The following DHRS1 variants were observed in gnomAD, a reference collection of about 807,000 sequenced individuals.
The protein encoded by DHRS1 is dehydrogenase/reductase SDR family member 1.
Under a neutral mutation model 35.2 loss-of-function variants are expected in DHRS1, and 34 were observed. The observed-to-expected ratio is 0.97, with a 90% CI of 0.74 to 1.29. DHRS1 has a LOEUF of 1.29. Ranked by LOEUF, DHRS1 falls within the 50% of genes most tolerant of loss-of-function variation. The pLI, the probability that DHRS1 is intolerant of heterozygous loss-of-function variation, is 0.00. For synonymous variants in DHRS1, 133 were observed against 160.0 expected, an observed-to-expected ratio of 0.83 and a Z score of 1.27; for missense variants, 354 against 403.6, an observed-to-expected ratio of 0.88 and a Z score of 1.05.
At chr14:24,292,353 G>A in intron 5 of DHRS1, 23 bp from the exon 6 acceptor site, 1 of 1,613,040 alleles carries the variant, frequency 6.2e-7, no homozygotes, top group East Asian at 2.2e-5. Flanking sequence ...GGAAGGCAGG[G>A]TAAGAGCCAC....
chr14:24,294,149 G>A (rs2041208208), intron 4 of DHRS1: 1 of 152,066 alleles, frequency 6.6e-6, no homozygotes, highest in East Asian at 1.9e-4. Flanking sequence ...ATGATCAAAT[G>A]TGTTTATAAA....
At position 24,299,731 on chromosome 14, in the gene DHRS1, G is replaced by T; in HGVS notation, c.-175C>A. 1.9e-6 allele frequency: 1 copy of T among 520,302 alleles called. No individual in the cohort carries two copies. The highest frequency in any genetic ancestry group is 3.4e-6 in the Non-Finnish European group (1 of 297,228). The allele number at this position is 520,302 out of a possible 1,614,324, so 32.2% of individuals were successfully genotyped here. ...GGCGATTCTGTGCTGAGGTAGAGGG[G>T]CAGAGTCCCAGGCCAAAGTTAGAAC... On this transcript the variant is annotated 5_prime_UTR_variant, in exon 1 of 9. Transcript: ENST00000288111.
rs1288594078 is a variant in DHRS1, at chr14:24,296,896, G to A, written c.151-15C>T. ...AGGGATTGTGCCTGGAGTAGGACAG[G>A]GGATATGAGCTCACATTCACACATG... On this transcript the variant is annotated splice_polypyrimidine_tract_variant and intron_variant, in intron 2 of 8. Transcript: ENST00000288111. 3 of 1,613,910 alleles carry A rather than the reference G, an allele frequency of 1.9e-6. No homozygotes were observed. Among genetic ancestry groups the A allele is most frequent in the African/African-American group, 2.7e-5 (2 of 75,036 alleles).
In DHRS1 at chr14:24,290,603, AGAG is replaced by A; in HGVS notation, c.*253_*255del. On this transcript the variant is annotated 3_prime_UTR_variant, in exon 9 of 9. Coordinates refer to ENST00000288111, the MANE Select transcript of DHRS1 (RefSeq NM_001136050.3). ...AATCAGCAGTCAAAAACACATTGAAAGAGAAATGAGACTTTTATTAGCTCCAAG... is the reference window on the plus strand; with the variant it reads ...AATCAGCAGTCAAAAACACATTGAAAAAATGAGACTTTTATTAGCTCCAAG... The A allele has an allele frequency of 2.3e-6, 1 of 441,424 alleles. No individual in the cohort carries two copies. Among genetic ancestry groups the A allele is most frequent in the Non-Finnish European group, 4.1e-6 (1 of 243,954 alleles). 27.3% of individuals were successfully genotyped at this position (441,424 alleles called of 1,614,324 possible).
chr14:24,295,128 G>A (rs778994412), intron 4 of DHRS1, among the ~76,000 whole-genome samples: 1 of 152,088 alleles, frequency 6.6e-6, no homozygotes, highest in Non-Finnish European at 1.5e-5. Flanking sequence ...TAAGGGATTA[G>A]AGAAATAAAT....
At chr14:24,296,994 C>G in intron 2 of DHRS1, 113 bp from the exon 3 acceptor site, 1 of 1,453,950 alleles carries the variant, frequency 6.9e-7, no homozygotes, top group Non-Finnish European at 9.4e-7. Context: ...CCTAGGAGAG[C>G]CTGCTGCAGA....
intron 2 of DHRS1, chr14:24,298,755 GT>G: frequency 1.5e-6 from 1 of 673,620 alleles, no homozygotes; most frequent in South Asian, 2.3e-5. Context: ...CAAACACAAA[GT>G]TTTTTCATAA....
At chr14:24,293,644 G>A (rs1446794858) in intron 4 of DHRS1, 1 of 152,040 alleles carries the variant, frequency 6.6e-6, no homozygotes, top group Non-Finnish European at 1.5e-5. Flanking sequence ...AAAGACTAAT[G>A]TCTTGTGGGT....
intron 4 of DHRS1, among the ~76,000 whole-genome samples, chr14:24,295,813 G>C (rs1167254329): frequency 6.6e-6 from 1 of 152,182 alleles, no homozygotes; most frequent in Non-Finnish European, 1.5e-5. Flanking sequence ...ACCAAAATTG[G>C]AGCGGTGGGT....
intron 4 of DHRS1, chr14:24,293,013 G>T (rs2041189697): frequency 3.8e-6 from 2 of 524,432 alleles, no homozygotes; most frequent in Non-Finnish European, 6.5e-6. Flanking sequence ...AGAAGAAATG[G>T]AACGCAAGAG....
At chr14:24,291,979 TA>T in intron 6 of DHRS1, 1 of 685,080 alleles carries the variant, frequency 1.5e-6, no homozygotes, top group East Asian at 2.7e-5. Flanking sequence ...AACAAGTTTC[TA>T]AACCTCTCTG....
chr14:24,291,101 A>G (rs1457003902), intron 8 of DHRS1, 38 bp downstream of exon 8: 1 of 1,613,630 alleles, frequency 6.2e-7, no homozygotes. Flanking sequence ...AACAGAGGGA[A>G]CAGCAGTCAA....
intron 5 of DHRS1, 29 bp from the exon 6 acceptor site, chr14:24,292,359 G>A (rs1389258315): frequency 1.2e-6 from 2 of 1,612,234 alleles, no homozygotes; most frequent in Middle Eastern, 1.7e-4. Flanking sequence ...CAGGGTAAGA[G>A]CCACCTAGCC....
rs1438100798 is a variant in DHRS1 at position 24,292,717 on chromosome 14, C to T, written c.442G>A (p.Val148Ile). The change falls in exon 5 of 9, where the codon GTC becomes ATC. Residue 148 changes from valine (V) to isoleucine (I), a missense_variant. Coordinates refer to ENST00000288111, the MANE Select transcript of DHRS1 (RefSeq NM_001136050.3). ...TGCAGGCTTCCTGGGGAGGAGATGA[C>T]CACGATGAGCCCCTGGCCAGCTGGT... ...MVPAGQGLIV[V>I]ISSPGSLQYM... is the part of the protein sequence containing the mutation. 1 of 1,614,204 alleles carries T rather than the reference C, an allele frequency of 6.2e-7. No individual in the cohort carries two copies. The highest frequency in any genetic ancestry group is 8.5e-7 in the Non-Finnish European group (1 of 1,180,038).
At chr14:24,292,557 C>T (rs2041179396) in intron 5 of DHRS1, 95 bp downstream of exon 5, 4 of 1,601,490 alleles carry the variant, frequency 2.5e-6, no homozygotes, top group South Asian at 2.2e-5. Context: ...GAGGAGCCAG[C>T]CTTACCATTC....
At chr14:24,292,371 T>C (rs2041174747) in intron 5 of DHRS1, 41 bp from the exon 6 acceptor site, 1 of 1,610,874 alleles carries the variant, frequency 6.2e-7, no homozygotes, top group African/African-American at 1.3e-5. Context: ...CACCTAGCCA[T>C]GTCACTTTCC....
At chr14:24,292,058 T>C (rs1164008870) in intron 6 of DHRS1, 126 bp downstream of exon 6, 8 of 1,160,672 alleles carry the variant, frequency 6.9e-6, no homozygotes, top group Non-Finnish European at 8.8e-6. Context: ...AAATAATGTG[T>C]GTCCCATGCT....
At chr14:24,291,761 G>T in intron 6 of DHRS1, 136 bp from the exon 7 acceptor site, 1 of 888,862 alleles carries the variant, frequency 1.1e-6, no homozygotes, top group Non-Finnish European at 1.8e-6. Flanking sequence ...GGGCCTGTAG[G>T]ACCCAAAGTA....
At chr14:24,296,976 C>G in intron 2 of DHRS1, 95 bp from the exon 3 acceptor site, 1 of 1,550,406 alleles carries the variant, frequency 6.4e-7, no homozygotes, top group Non-Finnish European at 8.8e-7. Context: ...ACTGAGAAGA[C>G]AATCAATCCT....
Sources: allele counts gnomAD v4.1 joint callset (sites outside exome capture counted in the v4.1 genomes callset), GRCh38; gene constraint gnomAD v4.1.1; transcripts MANE v1.5; gene names NCBI Gene and HGNC (gene_info 2026-07-23, HGNC 2026-07-21).